Variants in ACSS1 observed in about 807,000 individuals in gnomAD.
The protein encoded by ACSS1 is acyl-CoA synthetase short chain family member 1, also known as acetyl-coenzyme A synthetase 2-like, mitochondrial.
ACSS1 carries 42 observed loss-of-function variants against 75.3 expected under a neutral mutation model. The observed-to-expected ratio is 0.56, with a 90% confidence interval of 0.44 to 0.72. The LOEUF (loss-of-function observed/expected upper bound fraction) is 0.72, where lower values mean the gene tolerates loss of function less well. ACSS1 is among the 30% of genes least tolerant of loss of function. ACSS1 has a pLI of 0.00. For synonymous variants in ACSS1, 380 were observed against 376.8 expected, an observed-to-expected ratio of 1.01 and a Z score of -0.10; for missense variants, 782 against 935.7, an observed-to-expected ratio of 0.84 and a Z score of 2.14.
intron 2 of ACSS1, among the ~76,000 whole-genome samples, chr20:25,040,921 T>A (rs532431572): frequency 1.3e-5 from 2 of 152,254 alleles, no homozygotes; most frequent in Non-Finnish European, 2.9e-5. Flanking sequence ...TCATTCCTTT[T>A]ATTGAATAAT....
intron 2 of ACSS1, among the ~76,000 whole-genome samples, chr20:25,040,996 T>C (rs576050983): frequency 1.1e-4 from 16 of 152,352 alleles, no homozygotes; most frequent in South Asian, 6.2e-4. Context: ...CAGTGGCTCA[T>C]GCCTGTAATC....
chr20:25,009,385 G>C lies in ACSS1; in HGVS notation c.1775C>G (p.Ala592Gly). Residue 592 changes from alanine to glycine, a missense_variant, in exon 13 of 14, where the codon GCC becomes GGC. Coordinates refer to ENST00000323482, the MANE Select transcript of ACSS1 (RefSeq NM_032501.4). ...GYPHDIKGEA[A>G]FAFIVVKDSA... The stretch of plus-strand genomic sequence containing the variant: ...ATCTTTCACCACAATGAAGGCAAAG[G>C]CAGCTGAAAATAAAGCCAAGTTTGG... The C allele has an allele frequency of 6.2e-7, 1 of 1,613,726 alleles. No individual in the cohort carries two copies.
Position 25,012,663 on chromosome 20 carries a change from G to C in ACSS1, c.1709C>G (p.Ala570Gly), listed in dbSNP as rs2088430794. The change falls in exon 12 of 14, where the codon GCC (alanine) becomes GGC (glycine). Residue 570 changes from alanine to glycine, a missense_variant and splice_region_variant. Transcript: ENST00000323482. ...LGTAEIEDAI[A>G]DHPAVPESAV... Reference sequence around the variant, plus strand: ...ACTTTCTGGTACTGCAGGGTGGTCGGCCTGTGTACAACAGAGAACAAAAGG... The same window carrying C: ...ACTTTCTGGTACTGCAGGGTGGTCGCCCTGTGTACAACAGAGAACAAAAGG... The C allele has an allele frequency of 6.2e-7, 1 of 1,614,040 alleles. No homozygotes were observed. The highest frequency in any genetic ancestry group is 1.7e-5 in the Admixed American group (1 of 60,006).
At chr20:25,023,441 A>C (rs2088661324) in intron 4 of ACSS1, 25 bp downstream of exon 4, 1 of 1,613,474 alleles carries the variant, frequency 6.2e-7, no homozygotes, top group Non-Finnish European at 8.5e-7. Flanking sequence ...CCTCGCCTCA[A>C]ACTGTGCAAA....
chr20:25,008,503 T>C (rs927513552), intron 13 of ACSS1, among the ~76,000 whole-genome samples: 1 of 152,112 alleles, frequency 6.6e-6, no homozygotes, highest in African/African-American at 2.4e-5. Context: ...TGAGTCCGGG[T>C]CTCCTGAAAT....
intron 2 of ACSS1, among the ~76,000 whole-genome samples, chr20:25,047,103 A>G (rs927422875): frequency 1.3e-5 from 2 of 152,128 alleles, no homozygotes; most frequent in Non-Finnish European, 2.9e-5. Flanking sequence ...AGGTTTGGTG[A>G]ATTTGGTCTG....
At chr20:25,057,662 G>A in intron 1 of ACSS1, 107 bp downstream of exon 1, 1 of 1,171,032 alleles carries the variant, frequency 8.5e-7, no homozygotes, top group Admixed American at 2.7e-5. Flanking sequence ...GGCCCCTGCA[G>A]GGCTGCGATC....
chr20:25,040,634 A>C (rs987475352), intron 2 of ACSS1, among the ~76,000 whole-genome samples: 13 of 152,204 alleles, frequency 8.5e-5, no homozygotes, highest in Non-Finnish European at 1.2e-4. Context: ...ATCATGGTGC[A>C]AATATTTCCA....
At chr20:25,036,952 C>CAAA (rs376184330) in intron 2 of ACSS1, among the ~76,000 whole-genome samples, 7 of 87,340 alleles carry the variant, frequency 8.0e-5, no homozygotes, top group Non-Finnish European at 1.1e-4. Flanking sequence ...TAGACTCTGT[C>CAAA]AAAAAAAAAA....
chr20:25,020,792 A>G (rs985215990), intron 6 of ACSS1, among the ~76,000 whole-genome samples: 2 of 152,266 alleles, frequency 1.3e-5, no homozygotes, highest in Non-Finnish European at 2.9e-5. Context: ...GTCCATGCAC[A>G]GTTGTCAGTG....
At chr20:25,037,577 G>A (rs991160800) in intron 2 of ACSS1, among the ~76,000 whole-genome samples, 1 of 152,216 alleles carries the variant, frequency 6.6e-6, no homozygotes, top group Non-Finnish European at 1.5e-5. Context: ...GATGGGGGCT[G>A]GGGAAGGCCA....
At chr20:25,047,784 T>A (rs1351207364) in intron 2 of ACSS1, among the ~76,000 whole-genome samples, 1 of 152,034 alleles carries the variant, frequency 6.6e-6, no homozygotes, top group East Asian at 1.9e-4. Flanking sequence ...GCACATAGAA[T>A]CTGCTTAAGG....
At chr20:25,051,658 T>G (rs1445379054) in intron 1 of ACSS1, among the ~76,000 whole-genome samples, 1 of 152,226 alleles carries the variant, frequency 6.6e-6, no homozygotes, top group Non-Finnish European at 1.5e-5. Context: ...CCCCTTTCTA[T>G]GCAGATGCAA....
chr20:25,014,125 C>G (rs780837257), intron 8 of ACSS1, 52 bp from the exon 9 acceptor site: 9 of 1,449,334 alleles, frequency 6.2e-6, no homozygotes, highest in East Asian at 2.5e-5. Flanking sequence ...CCCAGGGATA[C>G]GTGTATCCAG....
chr20:25,006,708 C>A lies in ACSS1; in HGVS notation c.*1054G>T. On this transcript the variant is annotated 3_prime_UTR_variant, in exon 14 of 14. Transcript: ENST00000323482. ...CCACTGGCGTCGTGATTTCCATTATCTTGCTAATGTTGACAGCACCTAAGT... is the reference window on the plus strand; with the variant it reads ...CCACTGGCGTCGTGATTTCCATTATATTGCTAATGTTGACAGCACCTAAGT... 8.7e-7 allele frequency: 1 copy of A among 1,149,918 alleles called. No homozygotes were observed. The highest frequency in any genetic ancestry group is 2.6e-5 in the Admixed American group (1 of 38,010). The allele number at this position is 1,149,918 out of a possible 1,614,324, so 71.2% of individuals were successfully genotyped here.
intron 2 of ACSS1, chr20:25,031,240 C>G (rs961859179): frequency 2.1e-5 from 10 of 481,080 alleles, no homozygotes; most frequent in Non-Finnish European, 3.8e-5. Flanking sequence ...GGAACAGGAG[C>G]GTAGGGGAGC....
intron 13 of ACSS1, among the ~76,000 whole-genome samples, chr20:25,008,482 T>C (rs1347744629): frequency 6.6e-6 from 1 of 152,244 alleles, no homozygotes; most frequent in Non-Finnish European, 1.5e-5. Flanking sequence ...AATAGTTCAG[T>C]TCACCTAGGG....
At chr20:25,012,701 G>A (rs376413008) in intron 11 of ACSS1, 37 bp from the exon 12 acceptor site, 55 of 1,614,044 alleles carry the variant, frequency 3.4e-5, no homozygotes, top group African/African-American at 2.5e-4. Context: ...AAAATGTGGC[G>A]GCCCCGGGTG....
At chr20:25,012,470 G>T in intron 12 of ACSS1, 131 bp downstream of exon 12, 2 of 1,139,190 alleles carry the variant, frequency 1.8e-6, no homozygotes, top group Non-Finnish European at 2.6e-6. Context: ...ACTTGAGAGA[G>T]AAGAACACTG....
Sources: allele counts gnomAD v4.1 joint callset (sites outside exome capture counted in the v4.1 genomes callset), GRCh38; gene constraint gnomAD v4.1.1; transcripts MANE v1.5; gene names NCBI Gene and HGNC (gene_info 2026-07-23, HGNC 2026-07-21).